NPSR1: variants seen among roughly 807,000 people sequenced by gnomAD.
NPSR1 encodes neuropeptide S receptor 1, also known as neuropeptide S receptor.
In NPSR1, 48 loss-of-function variants were observed where a neutral mutation model predicts 46.9. That is an observed-to-expected ratio of 1.02 (90% CI 0.81 to 1.30). The LOEUF (loss-of-function observed/expected upper bound fraction) is 1.30, where lower values mean the gene tolerates loss of function less well. Among genes scored for constraint, NPSR1 ranks in the 50% most tolerant of loss-of-function variants. The pLI, the probability that NPSR1 is intolerant of heterozygous loss-of-function variation, is 0.00. For synonymous variants in NPSR1, 176 were observed against 168.1 expected, an observed-to-expected ratio of 1.05 and a Z score of -0.36; for missense variants, 450 against 449.5, an observed-to-expected ratio of 1.00 and a Z score of -0.01.
intron 2 of NPSR1, among the ~76,000 whole-genome samples, chr7:34,767,167 T>C (rs1360061601): frequency 1.3e-5 from 2 of 152,208 alleles, no homozygotes; most frequent in East Asian, 1.9e-4. Context: ...AATAATTCTA[T>C]AGTTTAGTTA....
chr7:34,832,892 T>C (rs961233538), intron 5 of NPSR1, among the ~76,000 whole-genome samples: 1 of 152,186 alleles, frequency 6.6e-6, no homozygotes, highest in Non-Finnish European at 1.5e-5. Flanking sequence ...TTCTAGCAAA[T>C]AGTCAACTTA....
At chr7:34,658,954 G>A (rs1467157788) in intron 1 of NPSR1, among the ~76,000 whole-genome samples, 1 of 152,168 alleles carries the variant, frequency 6.6e-6, no homozygotes, top group Non-Finnish European at 1.5e-5. Context: ...GATGCGGAAA[G>A]CTCACAATCC....
At chr7:34,686,083 T>TAA (rs1792913785) in intron 2 of NPSR1, 1 of 152,562 alleles carries the variant, frequency 6.6e-6, no homozygotes, top group Non-Finnish European at 1.5e-5. Context: ...TGAAAGGATT[T>TAA]AGAGGTGGCA....
intron 3 of NPSR1, among the ~76,000 whole-genome samples, chr7:34,793,744 A>T (rs113045790): frequency 7.2e-4 from 109 of 152,306 alleles, no homozygotes; most frequent in African/African-American, 2.4e-3. Flanking sequence ...TAATGAAATC[A>T]GTATGTCAAA....
chr7:34,798,864 CTAAGTAA>C (rs1318484227), intron 3 of NPSR1, among the ~76,000 whole-genome samples: 2 of 152,028 alleles, frequency 1.3e-5, no homozygotes, highest in Non-Finnish European at 2.9e-5. Context: ...CAACACACTT[CTAAGTAA>C]TAAGTGAATT....
At chr7:34,846,437 C>T (rs929459796) in intron 7 of NPSR1, among the ~76,000 whole-genome samples, 1 of 151,934 alleles carries the variant, frequency 6.6e-6, no homozygotes, top group African/African-American at 2.4e-5. Flanking sequence ...CTACCATGAT[C>T]ATTTAAACAT....
chr7:34,699,283 C>A (rs1562660739), intron 2 of NPSR1, among the ~76,000 whole-genome samples: 1 of 152,132 alleles, frequency 6.6e-6, no homozygotes, highest in Non-Finnish European at 1.5e-5. Flanking sequence ...AGTTCAAGAC[C>A]AGCCTGAGCA....
chr7:34,828,858 G>C (rs1203468657), intron 5 of NPSR1, among the ~76,000 whole-genome samples: 1 of 152,156 alleles, frequency 6.6e-6, no homozygotes, highest in Non-Finnish European at 1.5e-5. Context: ...TGGCCTGTTA[G>C]CTAAGATCAC....
At chr7:34,669,682 A>G (rs546332383) in intron 1 of NPSR1, among the ~76,000 whole-genome samples, 15 of 152,308 alleles carry the variant, frequency 9.8e-5, no homozygotes, top group African/African-American at 3.6e-4. Flanking sequence ...GACCACTGGC[A>G]CACACTTCAG....
At chr7:34,697,280 T>C (rs1252312603) in intron 2 of NPSR1, among the ~76,000 whole-genome samples, 1 of 151,996 alleles carries the variant, frequency 6.6e-6, no homozygotes, top group Non-Finnish European at 1.5e-5. Flanking sequence ...TTGGATTGCC[T>C]GGATGTAGTA....
At chr7:34,819,842 G>C (rs575082936) in intron 4 of NPSR1, among the ~76,000 whole-genome samples, 1 of 152,306 alleles carries the variant, frequency 6.6e-6, no homozygotes, top group East Asian at 1.9e-4. Context: ...AACACTGCAT[G>C]TTCTCACTCA....
At position 34,823,415 on chromosome 7, in the gene NPSR1, AACAAC is replaced by A. The variant is rs1242525565; in HGVS notation, c.479-3983_479-3979del. On this transcript the variant is annotated intron_variant, in intron 4 of 8. Coordinates refer to ENST00000360581, the MANE Select transcript of NPSR1 (RefSeq NM_207172.2). ...ACTTCACCAGAAAAAAAAAAAAAAA[AACAAC>A]ACCATAAATGAATAGAAAATGTATA... is the stretch of plus-strand genomic sequence containing the variant. Among the ~76,000 whole-genome samples, 496 of 132,584 alleles carry A rather than the reference AACAAC, an allele frequency of 3.7e-3. 18 individuals carry two copies. The highest frequency in any genetic ancestry group is 0.018 in the African/African-American group (479 of 26,034). 87.0% of individuals were successfully genotyped at this position (132,584 alleles called of 152,430 possible). A position where few individuals can be genotyped will look rare whatever the true frequency, so the allele number is the denominator to read the frequency against.
chr7:34,877,014 GC>G (rs925986078), intron 8 of NPSR1, among the ~76,000 whole-genome samples: 2 of 152,188 alleles, frequency 1.3e-5, no homozygotes, highest in African/African-American at 4.8e-5. Context: ...ACCTGGGCCT[GC>G]CCCCCACTCC....
chr7:34,699,556 G>T (rs1212116847), intron 2 of NPSR1, among the ~76,000 whole-genome samples: 1 of 152,074 alleles, frequency 6.6e-6, no homozygotes, highest in African/African-American at 2.4e-5. Flanking sequence ...TTTAACATTA[G>T]GGTGCCAGCA....
intron 6 of NPSR1, among the ~76,000 whole-genome samples, chr7:34,840,812 A>G (rs1288157305): frequency 6.6e-6 from 1 of 152,152 alleles, no homozygotes; most frequent in Non-Finnish European, 1.5e-5. Flanking sequence ...GAGCGTCACC[A>G]TAGAGGCACA....
At chr7:34,872,859 T>G (rs1791490553) in intron 8 of NPSR1, among the ~76,000 whole-genome samples, 1 of 151,878 alleles carries the variant, frequency 6.6e-6, no homozygotes, top group Admixed American at 6.5e-5. Flanking sequence ...GGACACAGCC[T>G]AACCATATCA....
At chr7:34,868,769 GGGCA>G (rs1250380476) in intron 8 of NPSR1, among the ~76,000 whole-genome samples, 1 of 151,630 alleles carries the variant, frequency 6.6e-6, no homozygotes, top group African/African-American at 2.4e-5. Context: ...TAAACCCTGG[GGGCA>G]GGCAGGCAGG....
intron 2 of NPSR1, among the ~76,000 whole-genome samples, chr7:34,731,208 C>G (rs1784401612): frequency 6.6e-6 from 1 of 151,810 alleles, no homozygotes; most frequent in Non-Finnish European, 1.5e-5. Context: ...AGTTAATATA[C>G]TCACTAAAAA....
intron 2 of NPSR1, among the ~76,000 whole-genome samples, chr7:34,768,972 G>A (rs1786554776): frequency 2.0e-5 from 3 of 152,158 alleles, no homozygotes; most frequent in Non-Finnish European, 4.4e-5. Context: ...AAGTGAGTCT[G>A]AGGAGAGAGG....
Sources: gnomAD v4.1 joint callset for allele counts (sites outside exome capture counted in the v4.1 genomes callset) on GRCh38, gnomAD v4.1.1 for gene constraint, MANE v1.5 for transcripts, NCBI Gene and HGNC (gene_info 2026-07-23, HGNC 2026-07-21) for gene names.